PSMC6: variants seen among roughly 807,000 people sequenced by gnomAD.
The protein encoded by PSMC6 is proteasome 26S subunit, ATPase 6, also known as 26S proteasome regulatory subunit 10B.
PSMC6 carries 3 observed loss-of-function variants against 55.9 expected under a neutral mutation model. The ratio of observed to expected loss-of-function variants is 0.05; its 90% CI spans 0.02 to 0.14. The LOEUF is 0.14. PSMC6 is among the 10% of genes least tolerant of loss of function. The probability of loss-of-function intolerance (pLI) is 1.00; values close to 1 mark genes in which losing one functional copy is unlikely to be tolerated. For missense variants in PSMC6, 210 were observed against 478.7 expected (o/e 0.44, Z 5.24); for synonymous variants, 137 against 155.9 (o/e 0.88, Z 0.90).
chr14:52,719,680 C>T (rs1406956576), intron 10 of PSMC6, among the ~76,000 whole-genome samples: 2 of 152,092 alleles, frequency 1.3e-5, no homozygotes, highest in South Asian at 2.1e-4. Flanking sequence ...TATACAGATC[C>T]GCTCAGAAGA....
In PSMC6 at chr14:52,707,239, A is replaced by C; in HGVS notation, c.20A>C (p.Lys7Thr). The change falls in exon 1 of 14, where the codon AAG becomes ACG. Residue 7 changes from lysine (K) to threonine (T), a missense_variant. By Grantham distance (78) the Lys-to-Thr change is moderately conservative. This residue lies in a region of PSMC6 where 26 missense variants were observed against 16.9 expected (regional missense o/e 1.54). Transcript: ENST00000445930. Reference sequence around the variant, plus strand: ...CTCATCATGGCGGACCCTAGAGATAAGGCGCTTCAGGACTACCGCAAGAAG... The same window carrying C: ...CTCATCATGGCGGACCCTAGAGATACGGCGCTTCAGGACTACCGCAAGAAG... MADPRD[K>T]ALQDYRKKLL... 6.2e-7 allele frequency: 1 copy of C among 1,614,094 alleles called. No individual in the cohort carries two copies. Among genetic ancestry groups the C allele is most frequent in the Non-Finnish European group, 8.5e-7 (1 of 1,180,002 alleles).
chr14:52,718,435 G>A (rs2041853987), intron 9 of PSMC6, 83 bp downstream of exon 9: 2 of 1,412,898 alleles, frequency 1.4e-6, no homozygotes, highest in Admixed American at 2.1e-5. Flanking sequence ...ATCTGTAATT[G>A]TGACTTGTAT....
At chr14:52,716,623 C>A (rs1036233116) in intron 7 of PSMC6, among the ~76,000 whole-genome samples, 2 of 152,102 alleles carry the variant, frequency 1.3e-5, no homozygotes, top group South Asian at 2.1e-4. Flanking sequence ...TGTAGTAGTT[C>A]ATGCCTGTAA....
rs557216073 is a variant in PSMC6, at chr14:52,726,059, T to C, written c.1052-1440T>C. Among the ~76,000 whole-genome samples, 10 of 152,320 alleles carry C rather than the reference T, an allele frequency of 6.6e-5. No individual in the cohort carries two copies. The East Asian group carries it at 1.7e-3, about 26-fold the overall frequency. ...AAATCTTCTATATTAACTCCCTCAT[T>C]TTATGTAAGTGAAAATTCAATACAG... On this transcript the variant is annotated intron_variant, in intron 13 of 13. Transcript: ENST00000445930.
chr14:52,726,712 G>A (rs1342257986), intron 13 of PSMC6, among the ~76,000 whole-genome samples: 1 of 152,066 alleles, frequency 6.6e-6, no homozygotes, highest in African/African-American at 2.4e-5. Flanking sequence ...TGCGATCTTG[G>A]CTCACTGCAA....
chr14:52,713,592 T>A (rs748240510), intron 6 of PSMC6, among the ~76,000 whole-genome samples: 1 of 152,232 alleles, frequency 6.6e-6, no homozygotes, highest in South Asian at 2.1e-4. Context: ...GATTCTTAAG[T>A]GTACATTTCA....
chr14:52,711,578 T>G, intron 6 of PSMC6, 54 bp downstream of exon 6: 1 of 1,241,302 alleles, frequency 8.1e-7, no homozygotes, highest in Non-Finnish European at 1.1e-6. Flanking sequence ...CTACTAGTTT[T>G]AGGATTCTTA....
chr14:52,723,496 C>A (rs1236218842), intron 12 of PSMC6: 8 of 153,670 alleles, frequency 5.2e-5, no homozygotes, highest in African/African-American at 1.9e-4. Flanking sequence ...TTTAAAAATT[C>A]CATGTGATAC....
intron 6 of PSMC6, among the ~76,000 whole-genome samples, chr14:52,712,112 T>C (rs1476578782): frequency 6.6e-6 from 1 of 152,242 alleles, no homozygotes; most frequent in Non-Finnish European, 1.5e-5. Flanking sequence ...CTATGGATTT[T>C]ATCCTAAATT....
intron 7 of PSMC6, among the ~76,000 whole-genome samples, chr14:52,714,215 A>G (rs1369107540): frequency 2.6e-5 from 4 of 151,948 alleles, no homozygotes; most frequent in Non-Finnish European, 4.4e-5. Context: ...TAATTTTTGT[A>G]TGTTTTGTAG....
intron 4 of PSMC6, chr14:52,709,604 C>G: frequency 8.8e-6 from 4 of 455,834 alleles, no homozygotes; most frequent in South Asian, 6.2e-5. Context: ...GTTGGCATTT[C>G]TAAGATATTT....
intron 1 of PSMC6, 190 bp downstream of exon 1, chr14:52,707,494 G>T: frequency 1.5e-6 from 1 of 683,870 alleles, no homozygotes; most frequent in Non-Finnish European, 2.4e-6. Context: ...AAATGGCCCA[G>T]TCCAGCCCGG....
intron 4 of PSMC6, chr14:52,710,647 A>C (rs1378515333): frequency 5.6e-6 from 1 of 178,860 alleles, no homozygotes; most frequent in African/African-American, 2.4e-5. Context: ...TTTTAATAAA[A>C]ATCTCTAAGG....
intron 7 of PSMC6, among the ~76,000 whole-genome samples, 156 bp from the exon 8 acceptor site, chr14:52,717,925 G>A (rs2041847349): frequency 6.6e-6 from 1 of 152,118 alleles, no homozygotes; most frequent in South Asian, 2.1e-4. Flanking sequence ...CTACTTGGGA[G>A]GCTGAGGTGG....
chr14:52,712,719 C>T (rs1030413979), intron 6 of PSMC6, among the ~76,000 whole-genome samples: 3 of 151,900 alleles, frequency 2.0e-5, no homozygotes, highest in Admixed American at 6.6e-5. Flanking sequence ...ACCTCCCAGG[C>T]TGAAGTCATC....
At chr14:52,708,188 C>T (rs767732030) in intron 1 of PSMC6, 121 bp from the exon 2 acceptor site, 3 of 778,334 alleles carry the variant, frequency 3.9e-6, no homozygotes, top group Non-Finnish European at 6.4e-6. Context: ...TGGTTTGAAA[C>T]AGTGGATGTG....
chr14:52,711,376 T>C (rs762268312), intron 5 of PSMC6, 34 bp from the exon 6 acceptor site: 15 of 1,539,266 alleles, frequency 9.7e-6, no homozygotes, highest in African/African-American at 1.4e-5. Flanking sequence ...AAAATATATC[T>C]TTCAAAAGAA....
intron 4 of PSMC6, 156 bp downstream of exon 4, chr14:52,708,972 T>G (rs1566655897): frequency 9.2e-7 from 1 of 1,085,644 alleles, no homozygotes; most frequent in Middle Eastern, 3.1e-4. Flanking sequence ...AAAGCCTGAA[T>G]TCAAACCATG....
At chr14:52,721,044 C>T (rs1231130280) in intron 11 of PSMC6, 63 bp downstream of exon 11, 7 of 1,589,000 alleles carry the variant, frequency 4.4e-6, no homozygotes, top group African/African-American at 4.1e-5. Context: ...TTCCATACTT[C>T]ACTTCACCTT....
Sources: allele counts gnomAD v4.1 joint callset (sites outside exome capture counted in the v4.1 genomes callset), GRCh38; gene constraint gnomAD v4.1.1; regional missense constraint gnomAD v4.1.1; transcripts MANE v1.5; gene names NCBI Gene and HGNC (gene_info 2026-07-23, HGNC 2026-07-21).